GRID1: variants seen among roughly 807,000 people sequenced by gnomAD.
GRID1 encodes glutamate receptor ionotropic, delta-1.
Under a neutral mutation model 98.0 loss-of-function variants are expected in GRID1, and 28 were observed. The observed-to-expected ratio is 0.29, with a 90% confidence interval of 0.21 to 0.39. The LOEUF is 0.39. Ranked by LOEUF, GRID1 falls within the 10% of genes least tolerant of loss-of-function variation. GRID1 has a pLI of 1.00. For missense variants in GRID1, 1,111 were observed against 1,340.5 expected, an observed-to-expected ratio of 0.83 and a Z score of 2.67; for synonymous variants, 553 against 538.5, an observed-to-expected ratio of 1.03 and a Z score of -0.37.
At chr10:85,911,482 T>C (rs2131821640) in intron 5 of GRID1, among the ~76,000 whole-genome samples, 1 of 152,152 alleles carries the variant, frequency 6.6e-6, no homozygotes, top group Admixed American at 6.5e-5. Flanking sequence ...TGACTATACC[T>C]CCTCCCTTTT....
intron 2 of GRID1, among the ~76,000 whole-genome samples, chr10:86,363,355 G>A (rs1007246997): frequency 2.6e-5 from 4 of 152,130 alleles, no homozygotes; most frequent in African/African-American, 9.6e-5. Context: ...CCCGCGGCGC[G>A]GACAGCGAGA....
In GRID1 at chr10:86,104,960, CGTGCCCCCAT is replaced by C. The variant is rs564880632; in HGVS notation, c.726+33849_726+33858del. On this transcript the variant is annotated intron_variant, in intron 4 of 15. Transcript: ENST00000327946. Reference sequence around the variant, plus strand: ...CAGGTGACAAGGCTGTGACAGGCCTCGTGCCCCCATGTGCCTCCACTTGCTGTGGAGATTA... The same window carrying C: ...CAGGTGACAAGGCTGTGACAGGCCTCGTGCCTCCACTTGCTGTGGAGATTA... Among the ~76,000 whole-genome samples the C allele has an allele frequency of 3.2e-3, 488 of 152,318 alleles. 3 individuals carry two copies. Among genetic ancestry groups the C allele is most frequent in the Non-Finnish European group, 3.7e-3 (253 of 68,018 alleles).
chr10:85,771,723 G>A (rs1842270340), intron 8 of GRID1, among the ~76,000 whole-genome samples: 1 of 152,182 alleles, frequency 6.6e-6, no homozygotes. Flanking sequence ...AAGAGACAAA[G>A]GCGGCCATTA....
intron 8 of GRID1, among the ~76,000 whole-genome samples, chr10:85,788,517 G>A (rs1189429284): frequency 6.6e-6 from 1 of 152,182 alleles, no homozygotes; most frequent in Non-Finnish European, 1.5e-5. Flanking sequence ...GGCCAGTGAA[G>A]TTTTCTTGGC....
At chr10:85,904,978 A>G (rs1353978740) in intron 5 of GRID1, among the ~76,000 whole-genome samples, 3 of 152,046 alleles carry the variant, frequency 2.0e-5, no homozygotes, top group African/African-American at 7.2e-5. Context: ...AATGGATTAA[A>G]GTTTTGATGA....
chr10:85,983,825 A>G (rs1842575577), intron 4 of GRID1, among the ~76,000 whole-genome samples: 1 of 152,136 alleles, frequency 6.6e-6, no homozygotes, highest in Non-Finnish European at 1.5e-5. Context: ...CAAGGGAGGG[A>G]GGACCAAGAC....
rs370232130 is a variant in GRID1, at chr10:85,969,925, A to G, written c.727-53686T>C. 3.1e-4 allele frequency among the ~76,000 whole-genome samples: 47 copies of G among 152,142 alleles called. 1 individual carries two copies. In the South Asian group the frequency reaches 4.8e-3, roughly 15 times the overall value. ...AAAGAGTTGATTTTTTTCAAGACTGACAAAATTGATAAAATTTAACTAGAT... is the reference window on the plus strand; with the variant it reads ...AAAGAGTTGATTTTTTTCAAGACTGGCAAAATTGATAAAATTTAACTAGAT... On this transcript the variant is annotated intron_variant, in intron 4 of 15. Coordinates refer to ENST00000327946, the MANE Select transcript of GRID1 (RefSeq NM_017551.3).
intron 4 of GRID1, among the ~76,000 whole-genome samples, chr10:85,996,840 A>AAAAG (rs1215091453): frequency 1.3e-5 from 2 of 151,526 alleles, no homozygotes; most frequent in Admixed American, 6.6e-5. Flanking sequence ...AAAAAAAAAA[A>AAAAG]AAAGAAAGAA....
At chr10:85,908,508 A>G (rs1432541423) in intron 5 of GRID1, among the ~76,000 whole-genome samples, 1 of 152,200 alleles carries the variant, frequency 6.6e-6, no homozygotes. Flanking sequence ...GTACACTGTA[A>G]AAGATAAAAC....
At chr10:86,118,611 C>G (rs1844620870) in intron 4 of GRID1, among the ~76,000 whole-genome samples, 1 of 151,946 alleles carries the variant, frequency 6.6e-6, no homozygotes, top group Admixed American at 6.5e-5. Context: ...TAAGTGTGGG[C>G]TGCAAATAGT....
chr10:86,084,118 A>G (rs1844015611), intron 4 of GRID1, among the ~76,000 whole-genome samples: 2 of 152,022 alleles, frequency 1.3e-5, no homozygotes, highest in Non-Finnish European at 2.9e-5. Context: ...GTCCCTCGGG[A>G]CTCACAAAGC....
intron 4 of GRID1, among the ~76,000 whole-genome samples, chr10:85,943,107 G>A (rs1842015100): frequency 6.6e-6 from 1 of 152,064 alleles, no homozygotes; most frequent in Non-Finnish European, 1.5e-5. Flanking sequence ...ACATTCTTGT[G>A]CATATCTCTT....
chr10:85,776,211 A>C (rs1156820133), intron 8 of GRID1, among the ~76,000 whole-genome samples: 1 of 152,168 alleles, frequency 6.6e-6, no homozygotes, highest in Non-Finnish European at 1.5e-5. Context: ...AGAAGACTAC[A>C]AAGATAAGCA....
intron 5 of GRID1, among the ~76,000 whole-genome samples, chr10:85,888,012 C>T (rs1213414815): frequency 6.6e-6 from 1 of 152,158 alleles, no homozygotes; most frequent in African/African-American, 2.4e-5. Flanking sequence ...AGCAGACCAT[C>T]CCAATTTTCA....
intron 2 of GRID1, among the ~76,000 whole-genome samples, chr10:86,363,001 G>A (rs1349287958): frequency 1.4e-4 from 21 of 152,276 alleles, no homozygotes; most frequent in Admixed American, 1.3e-3. Flanking sequence ...GTTGCGGGGA[G>A]CAAGGCAGAG....
intron 4 of GRID1, among the ~76,000 whole-genome samples, chr10:86,080,373 AAAGGAAAGGAAAGGGAAGGGAAGGG>A (rs1479465380): frequency 5.2e-4 from 45 of 86,376 alleles, no homozygotes; most frequent in African/African-American, 2.2e-3. Context: ...AGAGAGAGAA[AAAGGAAAGGAAAGGGAAGGGAAGGG>A]AAGGGAAGGG....
chr10:86,335,716 G>A (rs2132105878), intron 2 of GRID1, among the ~76,000 whole-genome samples: 1 of 152,324 alleles, frequency 6.6e-6, no homozygotes, highest in Admixed American at 6.5e-5. Flanking sequence ...CACACAGCAG[G>A]CCCTTGACAA....
At chr10:85,922,270 C>T (rs1259407881) in intron 4 of GRID1, among the ~76,000 whole-genome samples, 1 of 152,150 alleles carries the variant, frequency 6.6e-6, no homozygotes, top group Non-Finnish European at 1.5e-5. Flanking sequence ...TTCTCATAAG[C>T]CTGAAACCAT....
chr10:85,616,965 C>T (rs551220159), intron 14 of GRID1, among the ~76,000 whole-genome samples: 1 of 152,184 alleles, frequency 6.6e-6, no homozygotes, highest in Non-Finnish European at 1.5e-5. Context: ...GTTTATAGCA[C>T]ATAAGCCCTA....
Sources: gnomAD v4.1 joint callset for allele counts (sites outside exome capture counted in the v4.1 genomes callset) on GRCh38, gnomAD v4.1.1 for gene constraint, MANE v1.5 for transcripts, NCBI Gene and HGNC (gene_info 2026-07-23, HGNC 2026-07-21) for gene names.